Variants in DEPTOR observed in about 807,000 individuals in gnomAD.
The protein encoded by DEPTOR is DEP domain-containing mTOR-interacting protein.
A neutral mutation model predicts 41.6 loss-of-function variants in DEPTOR; 41 were observed. That is an observed-to-expected ratio of 0.98 (90% CI 0.77 to 1.28). The LOEUF is 1.28. DEPTOR is among the 50% of genes most tolerant of loss of function. DEPTOR has a pLI of 0.00. For missense variants in DEPTOR, 514 were observed against 527.9 expected (o/e 0.97, Z 0.26); for synonymous variants, 195 against 192.3 (o/e 1.01, Z -0.12).
At chr8:119,878,757 C>T (rs889299279) in intron 1 of DEPTOR, among the ~76,000 whole-genome samples, 5 of 152,010 alleles carry the variant, frequency 3.3e-5, no homozygotes, top group Admixed American at 1.3e-4. Context: ...TCATGTTTTT[C>T]CCTTGTCATA....
chr8:120,038,268 CA>C (rs71771968), intron 8 of DEPTOR, among the ~76,000 whole-genome samples: 150 of 116,546 alleles, frequency 1.3e-3, no homozygotes, highest in Admixed American at 1.7e-3. Flanking sequence ...GAGTCTGTCT[CA>C]AAAAAAAAAA....
chr8:119,988,758 C>T (rs921847304), intron 4 of DEPTOR, among the ~76,000 whole-genome samples: 1 of 152,124 alleles, frequency 6.6e-6, no homozygotes, highest in African/African-American at 2.4e-5. Context: ...GCTGGGATTA[C>T]AGGTGTGAAC....
In DEPTOR at chr8:119,965,214, C is replaced by T. The variant is rs1010182079; in HGVS notation, c.426-18C>T. 1.3e-5 allele frequency: 20 copies of T among 1,598,254 alleles called. No homozygotes were observed. Among genetic ancestry groups the T allele is most frequent in the Non-Finnish European group, 1.7e-5 (20 of 1,174,880 alleles). ...TTTCGTATAGGTTTACTTTTCTTTT[C>T]CCTTTTTTTCTTCCCAGGCTGATGA... On this transcript the variant is annotated intron_variant, in intron 3 of 8. Coordinates refer to ENST00000286234, the MANE Select transcript of DEPTOR (RefSeq NM_022783.4).
chr8:119,956,787 T>G (rs1327134247), intron 3 of DEPTOR, among the ~76,000 whole-genome samples: 3 of 142,876 alleles, frequency 2.1e-5, no homozygotes, highest in Non-Finnish European at 4.5e-5. Context: ...CAGGCTGAAG[T>G]GCAATGTCAC....
intron 1 of DEPTOR, among the ~76,000 whole-genome samples, chr8:119,894,746 A>G (rs1168345917): frequency 3.3e-5 from 5 of 152,200 alleles, no homozygotes; most frequent in Non-Finnish European, 7.3e-5. Context: ...TTAATAGAAC[A>G]TAGCCACAGT....
intron 3 of DEPTOR, among the ~76,000 whole-genome samples, chr8:119,933,869 C>G (rs1032569093): frequency 6.6e-6 from 1 of 151,902 alleles, no homozygotes; most frequent in African/African-American, 2.4e-5. Context: ...TTTGGGAACC[C>G]TGGCTTTCTT....
chr8:119,874,426 A>G (rs1468985690), intron 1 of DEPTOR: 1 of 179,682 alleles, frequency 5.6e-6, no homozygotes, highest in Non-Finnish European at 1.1e-5. Context: ...AGTCTTCACT[A>G]GGTTTTCCTT....
rs201148158 is a variant in DEPTOR, at chr8:120,001,721, C to T, written c.790+11C>T. The T allele has an allele frequency of 1.9e-6, 3 of 1,603,508 alleles. No individual in the cohort carries two copies. The highest frequency in any genetic ancestry group is 2.6e-6 in the Non-Finnish European group (3 of 1,173,468). ...CCAGCTTTATGTCAGGTATGCCATC[C>T]CGGCATTTATTGGAGCTCAAGTGTT... On this transcript the variant is annotated intron_variant, in intron 5 of 8. Coordinates refer to ENST00000286234, the MANE Select transcript of DEPTOR (RefSeq NM_022783.4).
At chr8:119,927,732 T>C (rs1586618628) in intron 1 of DEPTOR, among the ~76,000 whole-genome samples, 1 of 151,554 alleles carries the variant, frequency 6.6e-6, no homozygotes, top group South Asian at 2.1e-4. Context: ...CCTCAGCCTC[T>C]TGAGTAGCTG....
chr8:119,982,248 A>C lies in DEPTOR; in HGVS notation c.604+16838A>C, dbSNP rs535569020. Among the ~76,000 whole-genome samples, 9 of 152,212 alleles carry C rather than the reference A, an allele frequency of 5.9e-5. No individual in the cohort carries two copies. In the South Asian group the frequency reaches 1.9e-3, roughly 32 times the overall value. ...AATTGAGGCCTAAGGACTGAACATA[A>C]CATAACTGAACATTCCCCTGTTCTG... On this transcript the variant is annotated intron_variant, in intron 4 of 8. Transcript: ENST00000286234.
intron 4 of DEPTOR, among the ~76,000 whole-genome samples, chr8:119,996,123 A>G (rs1812255093): frequency 6.6e-6 from 1 of 152,214 alleles, no homozygotes; most frequent in Admixed American, 6.5e-5. Flanking sequence ...CCACACAGCT[A>G]GGTGAATAAA....
At chr8:120,011,942 G>A (rs1353286711) in intron 8 of DEPTOR, among the ~76,000 whole-genome samples, 1 of 152,052 alleles carries the variant, frequency 6.6e-6, no homozygotes, top group Non-Finnish European at 1.5e-5. Context: ...ACAGCTCCCT[G>A]GTCCAGCAAA....
At chr8:120,021,831 A>G (rs1254520110) in intron 8 of DEPTOR, among the ~76,000 whole-genome samples, 3 of 152,158 alleles carry the variant, frequency 2.0e-5, no homozygotes, top group Admixed American at 2.0e-4. Context: ...ACTGTCTACT[A>G]TATTTCATCA....
intron 1 of DEPTOR, among the ~76,000 whole-genome samples, chr8:119,877,510 C>A (rs1427784723): frequency 6.6e-6 from 1 of 152,184 alleles, no homozygotes; most frequent in African/African-American, 2.4e-5. Context: ...TTGCAATGTC[C>A]AGGCCTCCTG....
chr8:120,014,103 C>G (rs1220139904), intron 8 of DEPTOR, among the ~76,000 whole-genome samples: 48 of 152,112 alleles, frequency 3.2e-4, no homozygotes, highest in Admixed American at 3.1e-3. Flanking sequence ...AGTTCTTTTA[C>G]TTAAAAAATA....
rs563134751 is a variant in DEPTOR at position 120,010,350 on chromosome 8, C to T, written c.1101+1217C>T. ...CATATACGTGCCAGGTATGGTGGCT[C>T]ATGCCTGTAATTCCAGCATCTTGGG... is the stretch of plus-strand genomic sequence containing the variant. On this transcript the variant is annotated intron_variant, in intron 8 of 8. Transcript: ENST00000286234. 4.6e-5 allele frequency among the ~76,000 whole-genome samples: 7 copies of T among 151,526 alleles called. No individual in the cohort carries two copies. The South Asian group carries it at 1.3e-3, about 27-fold the overall frequency.
At chr8:119,980,446 T>TTTTTCTTTTTTCTTTTC (rs1828747678) in intron 4 of DEPTOR, among the ~76,000 whole-genome samples, 1 of 147,826 alleles carries the variant, frequency 6.8e-6, no homozygotes, top group Non-Finnish European at 1.5e-5. Flanking sequence ...GTGCATTTCA[T>TTTTTCTTTTTTCTTTTC]TTTTCTTTTT....
At chr8:120,040,579 C>T (rs1000900029) in intron 8 of DEPTOR, among the ~76,000 whole-genome samples, 26 of 152,106 alleles carry the variant, frequency 1.7e-4, no homozygotes, top group African/African-American at 6.3e-4. Flanking sequence ...CATATTTACA[C>T]TATGGTTTGA....
intron 3 of DEPTOR, among the ~76,000 whole-genome samples, chr8:119,934,178 G>C (rs1586621895): frequency 6.6e-6 from 1 of 152,030 alleles, no homozygotes; most frequent in East Asian, 1.9e-4. Flanking sequence ...ACTGCGCCCG[G>C]CCTGGGTACC....
Sources: gnomAD v4.1 joint callset for allele counts (sites outside exome capture counted in the v4.1 genomes callset) on GRCh38, gnomAD v4.1.1 for gene constraint, MANE v1.5 for transcripts, NCBI Gene and HGNC (gene_info 2026-07-23, HGNC 2026-07-21) for gene names.